The following MAGEA11 variants were observed in gnomAD, a reference collection of about 807,000 sequenced individuals.
MAGEA11 encodes the protein MAGE family member A11.
MAGEA11 carries 1 observed loss-of-function variant against 8.4 expected under a neutral mutation model. That is an observed-to-expected ratio of 0.12 (90% CI 0.04 to 0.57). The LOEUF is 0.57. MAGEA11 is among the 20% of genes least tolerant of loss of function. MAGEA11 has a pLI of 0.91. For missense variants in MAGEA11, 209 were observed against 317.3 expected (o/e 0.66, Z 2.59); for synonymous variants, 127 against 119.3 (o/e 1.06, Z -0.42).
intron 1 of MAGEA11, among the ~76,000 whole-genome samples, chrX:149,705,334 A>T (rs1013499631): frequency 5.4e-5 from 6 of 111,222 alleles, no homozygotes; most frequent in Non-Finnish European, 1.1e-4. Flanking sequence ...GTCTCACGAG[A>T]TCTCATGGTT....
At chrX:149,700,462 G>A (rs782065032) in intron 1 of MAGEA11, among the ~76,000 whole-genome samples, 68 of 109,930 alleles carry the variant, frequency 6.2e-4, no homozygotes, top group South Asian at 1.5e-3. Flanking sequence ...TCTTTTGCCC[G>A]TTGGTTGTTT....
chrX:149,708,896 T>C (rs781894048), upstream of MAGEA11, among the ~76,000 whole-genome samples: 1 of 110,855 alleles, frequency 9.0e-6, no homozygotes, highest in South Asian at 3.9e-4. Context: ...TATTATACTA[T>C]ACTATTTTAC....
chrX:149,692,409 A>C (rs1379602817), intron 1 of MAGEA11, among the ~76,000 whole-genome samples: 2 of 110,834 alleles, frequency 1.8e-5, no homozygotes, highest in Non-Finnish European at 3.8e-5. Context: ...CCTGTCTCAA[A>C]AAAAAAAAAA....
intron 2 of MAGEA11, chrX:149,714,251 G>A: frequency 2.2e-6 from 1 of 454,095 alleles, no homozygotes; most frequent in East Asian, 4.2e-5. Flanking sequence ...CAGAAAGTTG[G>A]GAAACCTTCA....
chrX:149,701,386 A>G (rs377749021), intron 1 of MAGEA11, among the ~76,000 whole-genome samples: 4 of 110,112 alleles, frequency 3.6e-5, no homozygotes, highest in Non-Finnish European at 5.7e-5. Context: ...GTCTGTTCAT[A>G]TCCTTCACCC....
At chrX:149,705,963 AAAGGGCACT>A (rs1246432068) in intron 1 of MAGEA11, among the ~76,000 whole-genome samples, 2 of 112,036 alleles carry the variant, frequency 1.8e-5, no homozygotes, top group Non-Finnish European at 3.8e-5. Context: ...TCTCTCCAAC[AAAGGGCACT>A]AAGTGTCACA....
intron 1 of MAGEA11, among the ~76,000 whole-genome samples, chrX:149,695,798 T>G (rs1365612773): frequency 5.4e-5 from 6 of 112,137 alleles, no homozygotes; most frequent in African/African-American, 1.9e-4. Context: ...GCTGGGAATG[T>G]TAAATTGCAA....
upstream of MAGEA11, chrX:149,711,975 G>A: frequency 3.1e-6 from 2 of 643,808 alleles, no homozygotes; most frequent in Non-Finnish European, 3.6e-6. Flanking sequence ...GCCTCGCCTC[G>A]CCCCGCCCCC....
At chrX:149,690,925 G>C (rs192607437) in intron 1 of MAGEA11, among the ~76,000 whole-genome samples, 2 of 111,802 alleles carry the variant, frequency 1.8e-5, no homozygotes, top group African/African-American at 6.5e-5. Flanking sequence ...AGAAGTTTAC[G>C]TCTTTAGTAT....
chrX:149,690,944 T>G (rs2090307935), intron 1 of MAGEA11, among the ~76,000 whole-genome samples: 1 of 112,286 alleles, frequency 8.9e-6, no homozygotes, highest in Non-Finnish European at 1.9e-5. Flanking sequence ...ATTTGTTTCC[T>G]TCAATATTTA....
At chrX:149,689,170 G>A (rs1310553494) in intron 1 of MAGEA11, among the ~76,000 whole-genome samples, 2 of 111,819 alleles carry the variant, frequency 1.8e-5, no homozygotes, top group Non-Finnish European at 3.8e-5. Context: ...CTATAAAAGT[G>A]GGTCTATATG....
In MAGEA11 at chrX:149,713,096, C is replaced by A. The variant is rs2090409818; in HGVS notation, c.-17-47C>A. On this transcript the variant is annotated intron_variant, in intron 1 of 4. Coordinates refer to ENST00000355220, the MANE Select transcript of MAGEA11 (RefSeq NM_005366.5). ...AGGGACCCAGCACCCCAGAACAGCC[C>A]CCCCCCATAGTCCCGCCGTCTCAAA... The A allele has an allele frequency of 6.9e-6, 6 of 873,181 alleles. No individual in the cohort carries two copies. In the Admixed American group the frequency reaches 9.1e-5, roughly 13 times the overall value. 72.0% of individuals were successfully genotyped at this position (873,181 alleles called of 1,213,427 possible). A position where few individuals can be genotyped will look rare whatever the true frequency, so the allele number is the denominator to read the frequency against.
chrX:149,710,943 G>T (rs972911254), upstream of MAGEA11, among the ~76,000 whole-genome samples: 1 of 111,704 alleles, frequency 9.0e-6, no homozygotes, highest in African/African-American at 3.3e-5. Context: ...CTTGTGATTG[G>T]CGGGGAAGAG....
At chrX:149,691,318 A>G (rs1425754528) in intron 1 of MAGEA11, among the ~76,000 whole-genome samples, 2 of 110,915 alleles carry the variant, frequency 1.8e-5, no homozygotes, top group African/African-American at 6.6e-5. Context: ...TTTGCCTACA[A>G]TCTCTATTAT....
At chrX:149,689,852 CT>C (rs1393527794) in intron 1 of MAGEA11, among the ~76,000 whole-genome samples, 1 of 112,647 alleles carries the variant, frequency 8.9e-6, no homozygotes, top group East Asian at 2.8e-4. Context: ...TGTCCTACCC[CT>C]GACCTAAACA....
chrX:149,711,675 G>A (rs1477172941), upstream of MAGEA11: 5 of 178,889 alleles, frequency 2.8e-5, no homozygotes, highest in Non-Finnish European at 4.4e-5. Flanking sequence ...AGGGGCCACA[G>A]AATCCAGCTC....
At position 149,690,141 on chromosome X, in the gene MAGEA11, A is replaced by T. The variant is rs782212497; in HGVS notation, c.9+1157A>T. On this transcript the variant is annotated intron_variant, in intron 1 of 3. Transcript: ENST00000333104. ...TGAGAGTGTTCTTAGACCATGTACA[A>T]GCATGCTCAACAAGAGCAAGGATCT... Among the ~76,000 whole-genome samples, 179 of 112,501 alleles carry T rather than the reference A, an allele frequency of 1.6e-3. 1 individual carries two copies. The highest frequency in any genetic ancestry group is 4.6e-3 in the Middle Eastern group (1 of 219).
Position 149,713,266 on chromosome X carries a change from A to T in MAGEA11, c.96+11A>T. 3 of 1,116,163 alleles carry T rather than the reference A, an allele frequency of 2.7e-6. No homozygotes were observed. Among genetic ancestry groups the T allele is most frequent in the Non-Finnish European group, 3.7e-6 (3 of 821,136 alleles). The allele number at this position is 1,116,163 out of a possible 1,213,427, so 92.0% of individuals were successfully genotyped here. A position where few individuals can be genotyped will look rare whatever the true frequency, so the allele number is the denominator to read the frequency against. ...GACTTTGGACTCCAGGTCAGTAGGG[A>T]CCTTGGCCCTTGGAGTTCCAAGGCA... On this transcript the variant is annotated intron_variant, in intron 2 of 4. Transcript: ENST00000355220.
intron 1 of MAGEA11, among the ~76,000 whole-genome samples, chrX:149,691,669 A>G (rs940405690): frequency 3.6e-5 from 4 of 112,016 alleles, no homozygotes; most frequent in Admixed American, 1.9e-4. Context: ...GGAAACAAGA[A>G]CTATCCTCAA....
Sources: gnomAD v4.1 joint callset for allele counts (sites outside exome capture counted in the v4.1 genomes callset) on GRCh38, gnomAD v4.1.1 for gene constraint, MANE v1.5 for transcripts, NCBI Gene and HGNC (gene_info 2026-07-23, HGNC 2026-07-21) for gene names.